The following ZNF766 variants were observed in gnomAD, a reference collection of about 807,000 sequenced individuals.
ZNF766 encodes zinc finger protein 766.
A neutral mutation model predicts 13.2 loss-of-function variants in ZNF766; 13 were observed. The ratio of observed to expected loss-of-function variants is 0.98; its 90% CI spans 0.64 to 1.56. The LOEUF is 1.56. ZNF766 is among the 40% of genes most tolerant of loss of function. The probability of loss-of-function intolerance (pLI) is 0.00; values close to 1 mark genes in which losing one functional copy is unlikely to be tolerated. For synonymous variants in ZNF766, 178 were observed against 187.6 expected (o/e 0.95, Z 0.42); for missense variants, 521 against 552.2 (o/e 0.94, Z 0.57).
Position 52,269,588 on chromosome 19 carries a change from G to C in ZNF766, c.-26G>C. The C allele has an allele frequency of 1.2e-6, 2 of 1,611,714 alleles. No homozygotes were observed. Among genetic ancestry groups the C allele is most frequent in the Non-Finnish European group, 1.7e-6 (2 of 1,179,558 alleles). ...CTCCGTTCGCGCGCAGCCGCCTGCAGACCCGGAAGTGGATGGCGTGGAGAT... is the reference window on the plus strand; with the variant it reads ...CTCCGTTCGCGCGCAGCCGCCTGCACACCCGGAAGTGGATGGCGTGGAGAT... On this transcript the variant is annotated 5_prime_UTR_variant, in exon 1 of 4. Coordinates refer to ENST00000439461, the MANE Select transcript of ZNF766 (RefSeq NM_001010851.3).
At position 52,291,146 on chromosome 19, in the gene ZNF766, C is replaced by A. The variant is rs745892521; in HGVS notation, c.1355C>A (p.Ser452Ter). Residue 452 changes from serine to a stop codon, truncating the protein, a stop_gained, in exon 4 of 4, where the codon TCA becomes TAA. Transcript: ENST00000439461. LOFTEE classifies it low-confidence loss of function (END_TRUNC). ...TGTGGTAAGGTCTTTAGGCACAGTT[C>A]ATGGTTTGTACAGCATCAGAGAAGT... is the stretch of plus-strand genomic sequence containing the variant. ...HVCGKVFRHS[S>*]WFVQHQRSVH... is the part of the protein sequence containing the mutation. 9.9e-6 allele frequency: 16 copies of A among 1,610,794 alleles called. No individual in the cohort carries two copies. In the East Asian group the frequency reaches 1.3e-4, roughly 13 times the overall value.
Position 52,295,909 on chromosome 19 carries a change from T to C in ZNF766, c.*4711T>C, listed in dbSNP as rs1486593735. 5 of 152,072 alleles carry C rather than the reference T, an allele frequency of 3.3e-5. No homozygotes were observed. The highest frequency in any genetic ancestry group is 1.2e-4 in the African/African-American group (5 of 41,416). 9.4% of individuals were successfully genotyped at this position (152,072 alleles called of 1,614,324 possible). On this transcript the variant is annotated 3_prime_UTR_variant, in exon 4 of 4. Coordinates refer to ENST00000439461, the MANE Select transcript of ZNF766 (RefSeq NM_001010851.3). ...TTGTTTTGTTTTTTGCTTTTCTACATAATTGTTTGGATAATCTTGTCAGTA... is the reference window on the plus strand; with the variant it reads ...TTGTTTTGTTTTTTGCTTTTCTACACAATTGTTTGGATAATCTTGTCAGTA...
chr19:52,282,262 T>C (rs773413693), intron 2 of ZNF766, 25 bp downstream of exon 2: 3 of 1,577,184 alleles, frequency 1.9e-6, no homozygotes, highest in Non-Finnish European at 2.6e-6. Context: ...CCTCCAGAAG[T>C]TGGGGTCTGC....
chr19:52,277,388 G>A, intron 1 of ZNF766: 1 of 1,242,372 alleles, frequency 8.0e-7, no homozygotes, highest in East Asian at 2.6e-5. Flanking sequence ...GAACCCGGGA[G>A]GCGGAGCTTG....
At chr19:52,288,909 G>A (rs1288468805) in intron 3 of ZNF766, among the ~76,000 whole-genome samples, 2 of 151,880 alleles carry the variant, frequency 1.3e-5, no homozygotes, top group African/African-American at 2.4e-5. Context: ...GCAGTGGCAC[G>A]ATCTCGGCTC....
intron 1 of ZNF766, among the ~76,000 whole-genome samples, chr19:52,271,260 G>GA (rs2122456445): frequency 6.6e-6 from 1 of 152,342 alleles, no homozygotes; most frequent in Admixed American, 6.5e-5. Flanking sequence ...TATCTGAGGT[G>GA]AGGGGCAGTC....
intron 1 of ZNF766, among the ~76,000 whole-genome samples, chr19:52,279,639 A>G (rs552082203): frequency 2.9e-4 from 44 of 151,940 alleles, no homozygotes; most frequent in African/African-American, 8.7e-4. Context: ...GGAGGCTGAG[A>G]TGGTAGGATC....
chr19:52,284,629 G>C (rs1981718520), intron 3 of ZNF766, among the ~76,000 whole-genome samples: 1 of 151,990 alleles, frequency 6.6e-6, no homozygotes, highest in Non-Finnish European at 1.5e-5. Flanking sequence ...CACAGGCTAA[G>C]GGTTGAGTTC....
In ZNF766 at chr19:52,291,902, C is replaced by T. The variant is rs1254246158; in HGVS notation, c.*704C>T. 2.3e-5 allele frequency: 11 copies of T among 483,748 alleles called. No individual in the cohort carries two copies. In the East Asian group the frequency reaches 3.7e-4, roughly 16 times the overall value. The allele number at this position is 483,748 out of a possible 1,614,324, so 30.0% of individuals were successfully genotyped here. A position where few individuals can be genotyped will look rare whatever the true frequency, so the allele number is the denominator to read the frequency against. On this transcript the variant is annotated 3_prime_UTR_variant, in exon 4 of 4. Transcript: ENST00000439461. ...TAAGTATGGGCAACGTAGCAAGGCC[C>T]ATCCCTACAAAATAAAAAAAATAAG...
At chr19:52,275,927 T>C (rs1981174294) in intron 1 of ZNF766, among the ~76,000 whole-genome samples, 1 of 152,202 alleles carries the variant, frequency 6.6e-6, no homozygotes, top group Non-Finnish European at 1.5e-5. Context: ...ATGATCCACC[T>C]GCCTTGGTCT....
intron 1 of ZNF766, chr19:52,281,866 C>T: frequency 1.9e-6 from 1 of 538,924 alleles, no homozygotes; most frequent in Non-Finnish European, 3.7e-6. Context: ...CACTTGTATG[C>T]TAGCTCAGGT....
At chr19:52,274,168 C>T (rs1223782157) in intron 1 of ZNF766, among the ~76,000 whole-genome samples, 1 of 152,102 alleles carries the variant, frequency 6.6e-6, no homozygotes, top group Non-Finnish European at 1.5e-5. Flanking sequence ...CCTGTATGTC[C>T]CCCTGTATAG....
At chr19:52,273,378 T>C (rs1313645132) in intron 1 of ZNF766, among the ~76,000 whole-genome samples, 1 of 152,222 alleles carries the variant, frequency 6.6e-6, no homozygotes, top group Non-Finnish European at 1.5e-5. Flanking sequence ...TTGTTGTTTC[T>C]GAAATTCTTT....
At chr19:52,283,643 G>T (rs114311727) in intron 3 of ZNF766, among the ~76,000 whole-genome samples, 1 of 152,202 alleles carries the variant, frequency 6.6e-6, no homozygotes, top group Admixed American at 6.5e-5. Context: ...GGAGAATTGT[G>T]TGGAGAAATA....
Position 52,290,962 on chromosome 19 carries a change from G to A in ZNF766, c.1171G>A (p.Val391Ile). The change falls in exon 4 of 4, where the codon GTC becomes ATC. Residue 391 changes from valine to isoleucine, a missense_variant. Val to Ile is a conservative substitution (Grantham distance 29). Transcript: ENST00000439461. ...TTATAAATGTCATGAATGTGGCAAAGTCTTCACTCAAGTTTCACATCTTGC... is the reference window on the plus strand; with the variant it reads ...TTATAAATGTCATGAATGTGGCAAAATCTTCACTCAAGTTTCACATCTTGC... ...KPYKCHECGK[V>I]FTQVSHLARH... The A allele has an allele frequency of 1.2e-6, 2 of 1,614,008 alleles. No homozygotes were observed. Among genetic ancestry groups the A allele is most frequent in the Non-Finnish European group, 1.7e-6 (2 of 1,180,010 alleles).
At chr19:52,277,374 G>A (rs1227706971) in intron 1 of ZNF766, 1 of 1,133,590 alleles carries the variant, frequency 8.8e-7, no homozygotes, top group African/African-American at 1.6e-5. Flanking sequence ...CAGGAGAATG[G>A]TGTGAACCCG....
chr19:52,284,625 C>T (rs1981718400), intron 3 of ZNF766, among the ~76,000 whole-genome samples: 1 of 152,060 alleles, frequency 6.6e-6, no homozygotes. Flanking sequence ...GTCCCACAGG[C>T]TAAGGGTTGA....
intron 1 of ZNF766, among the ~76,000 whole-genome samples, chr19:52,274,970 G>T (rs1168829987): frequency 6.6e-6 from 1 of 152,206 alleles, no homozygotes; most frequent in Non-Finnish European, 1.5e-5. Context: ...AACACCTAAA[G>T]ATTTTCATTA....
chr19:52,291,973 G>A lies in ZNF766; in HGVS notation c.*775G>A, dbSNP rs1361043394. On this transcript the variant is annotated 3_prime_UTR_variant, in exon 4 of 4. Coordinates refer to ENST00000439461, the MANE Select transcript of ZNF766 (RefSeq NM_001010851.3). ...TGTAGTTCCAGCTACTCAAGAGGCC[G>A]AGGCAAGAGGATTGCTCAAGCCCAG... 1.6e-5 allele frequency: 9 copies of A among 556,852 alleles called. No individual in the cohort carries two copies. The highest frequency in any genetic ancestry group is 4.8e-5 in the South Asian group (2 of 41,354). 34.5% of individuals were successfully genotyped at this position (556,852 alleles called of 1,614,324 possible). A position where few individuals can be genotyped will look rare whatever the true frequency, so the allele number is the denominator to read the frequency against.
Sources: allele counts gnomAD v4.1 joint callset (sites outside exome capture counted in the v4.1 genomes callset), GRCh38; gene constraint gnomAD v4.1.1; transcripts MANE v1.5; gene names NCBI Gene and HGNC (gene_info 2026-07-23, HGNC 2026-07-21).